CYB5R4: variants seen among roughly 807,000 people sequenced by gnomAD.
CYB5R4 encodes N-terminal cytochrome b5 and cytochrome b5 oxidoreductase domain-containing protein.
CYB5R4 carries 55 observed loss-of-function variants against 70.2 expected under a neutral mutation model. The observed-to-expected ratio is 0.78, with a 90% confidence interval of 0.63 to 0.98. CYB5R4 has a LOEUF of 0.98. Among genes scored for constraint, CYB5R4 ranks in the 50% least tolerant of loss-of-function variants. The pLI, the probability that CYB5R4 is intolerant of heterozygous loss-of-function variation, is 0.00. For missense variants in CYB5R4, 562 were observed against 612.6 expected, an observed-to-expected ratio of 0.92 and a Z score of 0.87; for synonymous variants, 197 against 199.5, an observed-to-expected ratio of 0.99 and a Z score of 0.11.
At chr6:83,913,317 C>T (rs1266259188) in intron 4 of CYB5R4, among the ~76,000 whole-genome samples, 7 of 152,140 alleles carry the variant, frequency 4.6e-5, no homozygotes, top group Non-Finnish European at 8.8e-5. Context: ...GGCCTACTAT[C>T]CTTTTAGGAA....
intron 14 of CYB5R4, among the ~76,000 whole-genome samples, chr6:83,953,275 C>T (rs2099471820): frequency 6.6e-6 from 1 of 151,934 alleles, no homozygotes; most frequent in Non-Finnish European, 1.5e-5. Flanking sequence ...AGCCTGCTTT[C>T]ATGGAATAAC....
intron 12 of CYB5R4, among the ~76,000 whole-genome samples, chr6:83,939,289 C>T (rs1283802492): frequency 6.6e-6 from 1 of 152,092 alleles, no homozygotes; most frequent in Non-Finnish European, 1.5e-5. Flanking sequence ...TTTAAGATTA[C>T]ATTTCAAGTT....
At chr6:83,880,041 CTTG>C (rs1433247444) in intron 2 of CYB5R4, among the ~76,000 whole-genome samples, 1 of 152,086 alleles carries the variant, frequency 6.6e-6, no homozygotes, top group Non-Finnish European at 1.5e-5. Context: ...GATTGTCTGC[CTTG>C]TTGTTAAGGG....
intron 2 of CYB5R4, among the ~76,000 whole-genome samples, chr6:83,874,370 A>T (rs979258102): frequency 2.0e-5 from 3 of 151,264 alleles, no homozygotes; most frequent in Non-Finnish European, 4.4e-5. Flanking sequence ...TTTTAAAAAA[A>T]AAATTATTTT....
At chr6:83,871,067 C>T (rs1396587797) in intron 2 of CYB5R4, among the ~76,000 whole-genome samples, 2 of 149,922 alleles carry the variant, frequency 1.3e-5, no homozygotes, top group Non-Finnish European at 3.0e-5. Flanking sequence ...ACCTCCGTCT[C>T]CCGGGTTCAA....
intron 14 of CYB5R4, among the ~76,000 whole-genome samples, chr6:83,943,736 C>T (rs1478715033): frequency 6.6e-6 from 1 of 151,896 alleles, no homozygotes; most frequent in Non-Finnish European, 1.5e-5. Flanking sequence ...GAGTATCTAA[C>T]TAGAATAACC....
At chr6:83,873,863 C>T (rs6928436) in intron 2 of CYB5R4, among the ~76,000 whole-genome samples, 23,912 of 151,804 alleles carry the variant, frequency 0.16, 3,727 homozygotes, top group African/African-American at 0.39. Flanking sequence ...TGAGCTGAGA[C>T]CTGAAGGATA....
chr6:83,959,837 C>G lies in CYB5R4; in HGVS notation c.1525C>G (p.Leu509Val). The change falls in exon 16 of 16, where the codon CTC becomes GTC. Residue 509 changes from leucine to valine, a missense_variant. By Grantham distance (32) the Leu-to-Val change is conservative. Transcript: ENST00000369681. ...TTTGTTTTTCAGGTTGCTGCATGAT[C>G]TCAACTTTTCCAAAAATGAGATCCA... ...TEQGVRLLHD[L>V]NFSKNEIHSF... 6.2e-7 allele frequency: 1 copy of G among 1,600,874 alleles called. No individual in the cohort carries two copies.
In CYB5R4 at chr6:83,872,626, G is replaced by A. The variant is rs531060000; in HGVS notation, c.229+8298G>A. ...GAGATCACTGTGTTTTAGGATTAAC[G>A]CTAAGTTCATAGCCTGAAGATGATC... On this transcript the variant is annotated intron_variant, in intron 2 of 15. Coordinates refer to ENST00000369681, the MANE Select transcript of CYB5R4 (RefSeq NM_016230.4). Among the ~76,000 whole-genome samples, 32 of 152,268 alleles carry A rather than the reference G, an allele frequency of 2.1e-4. No homozygotes were observed. The South Asian group carries it at 5.4e-3, about 26-fold the overall frequency.
intron 2 of CYB5R4, among the ~76,000 whole-genome samples, chr6:83,886,673 T>C (rs536481384): frequency 4.6e-5 from 7 of 152,304 alleles, no homozygotes; most frequent in African/African-American, 1.4e-4. Context: ...ACTGTTAAAT[T>C]GTAATATCTG....
intron 2 of CYB5R4, among the ~76,000 whole-genome samples, chr6:83,873,986 A>G (rs1210293447): frequency 2.0e-5 from 3 of 152,152 alleles, no homozygotes; most frequent in Non-Finnish European, 4.4e-5. Context: ...GATAAAAGAA[A>G]TTATGTACAT....
chr6:83,927,412 C>T (rs1037738264), intron 10 of CYB5R4, among the ~76,000 whole-genome samples: 5 of 152,154 alleles, frequency 3.3e-5, no homozygotes, highest in East Asian at 1.9e-4. Flanking sequence ...AAGACTGCCC[C>T]CTACTTCACA....
intron 3 of CYB5R4, among the ~76,000 whole-genome samples, chr6:83,896,892 A>G (rs1425572153): frequency 6.6e-6 from 1 of 152,022 alleles, no homozygotes; most frequent in Non-Finnish European, 1.5e-5. Flanking sequence ...TCCCAACAAC[A>G]GTGTGTGAGT....
chr6:83,878,433 C>T (rs955454441), intron 2 of CYB5R4, among the ~76,000 whole-genome samples: 6 of 152,098 alleles, frequency 3.9e-5, no homozygotes, highest in East Asian at 1.9e-4. Context: ...CTGCAAGCTC[C>T]GCCTCCCGGG....
chr6:83,957,201 A>T (rs2099472549), intron 15 of CYB5R4, among the ~76,000 whole-genome samples: 1 of 152,136 alleles, frequency 6.6e-6, no homozygotes, highest in Admixed American at 6.5e-5. Flanking sequence ...AATGAAGACT[A>T]ACATAGTTTG....
chr6:83,877,753 C>G (rs926042177), intron 2 of CYB5R4, among the ~76,000 whole-genome samples: 5 of 152,230 alleles, frequency 3.3e-5, no homozygotes, highest in African/African-American at 1.2e-4. Context: ...GGACAAATGT[C>G]TAAATCATAG....
intron 14 of CYB5R4, among the ~76,000 whole-genome samples, chr6:83,942,725 C>T (rs1014915094): frequency 2.0e-5 from 3 of 152,116 alleles, no homozygotes; most frequent in Admixed American, 6.6e-5. Flanking sequence ...TTGAAATTCT[C>T]GCTGCAAGCA....
chr6:83,953,047 C>T (rs1562847606), intron 14 of CYB5R4, among the ~76,000 whole-genome samples: 1 of 152,096 alleles, frequency 6.6e-6, no homozygotes, highest in Non-Finnish European at 1.5e-5. Context: ...TCGGTTTCTT[C>T]CAGGAGATGT....
intron 12 of CYB5R4, among the ~76,000 whole-genome samples, chr6:83,938,060 G>A (rs1216749754): frequency 1.3e-5 from 2 of 152,292 alleles, no homozygotes; most frequent in Admixed American, 1.3e-4. Context: ...CTGAAATGTA[G>A]TAGATATGAT....
Sources: allele counts gnomAD v4.1 joint callset (sites outside exome capture counted in the v4.1 genomes callset), GRCh38; gene constraint gnomAD v4.1.1; transcripts MANE v1.5; gene names NCBI Gene and HGNC (gene_info 2026-07-23, HGNC 2026-07-21).